Variants in GUCY1A2 observed in about 807,000 individuals in gnomAD.
The protein encoded by GUCY1A2 is guanylate cyclase soluble subunit alpha-2.
Under a neutral mutation model 63.5 loss-of-function variants are expected in GUCY1A2, and 27 were observed. That is an observed-to-expected ratio of 0.43 (90% CI 0.31 to 0.59). The LOEUF (loss-of-function observed/expected upper bound fraction) is 0.59. GUCY1A2 is among the 20% of genes least tolerant of loss of function. The pLI is 0.11. For synonymous variants in GUCY1A2, 364 were observed against 343.5 expected (o/e 1.06, Z -0.66); for missense variants, 768 against 913.3 (o/e 0.84, Z 2.05).
intron 6 of GUCY1A2, among the ~76,000 whole-genome samples, chr11:106,745,462 A>T (rs1863771903): frequency 6.6e-6 from 1 of 152,254 alleles, no homozygotes; most frequent in African/African-American, 2.4e-5. Flanking sequence ...TTTAAACAAT[A>T]AAAACCTATC....
chr11:106,722,498 T>G (rs1863333312), intron 6 of GUCY1A2, among the ~76,000 whole-genome samples: 1 of 152,084 alleles, frequency 6.6e-6, no homozygotes, highest in African/African-American at 2.4e-5. Context: ...TTTTATTTAT[T>G]TTGATAGTGC....
chr11:106,976,895 C>A (rs765699343), intron 3 of GUCY1A2, among the ~76,000 whole-genome samples: 1 of 152,068 alleles, frequency 6.6e-6, no homozygotes, highest in Non-Finnish European at 1.5e-5. Flanking sequence ...CTTCGAAGGG[C>A]AACTAAGCTG....
chr11:106,955,905 C>T (rs985294787), intron 3 of GUCY1A2, among the ~76,000 whole-genome samples: 2 of 152,012 alleles, frequency 1.3e-5, no homozygotes, highest in African/African-American at 4.8e-5. Flanking sequence ...CAGCTTGTTT[C>T]CATTCTCTCC....
chr11:106,986,851 A>T lies in GUCY1A2; in HGVS notation c.304-720T>A, dbSNP rs562985122. Among the ~76,000 whole-genome samples the T allele has an allele frequency of 1.8e-4, 27 of 152,260 alleles. No individual in the cohort carries two copies. The South Asian group carries it at 3.9e-3, about 22-fold the overall frequency. Reference sequence around the variant, plus strand: ...CACAAGTGCTTCAGGCAAAATATGGAGTCTGCAACAAATATCTAAGCAGCT... The same window carrying T: ...CACAAGTGCTTCAGGCAAAATATGGTGTCTGCAACAAATATCTAAGCAGCT... On this transcript the variant is annotated intron_variant, in intron 1 of 7. Transcript: ENST00000526355.
intron 3 of GUCY1A2, among the ~76,000 whole-genome samples, chr11:106,950,549 C>T (rs11211985): frequency 0.041 from 6,192 of 152,212 alleles, 648 homozygotes; most frequent in East Asian, 0.29. Flanking sequence ...TCACTTCTCA[C>T]GCCTTTACTT....
intron 4 of GUCY1A2, among the ~76,000 whole-genome samples, chr11:106,858,593 A>C (rs1193581204): frequency 1.3e-5 from 2 of 152,116 alleles, no homozygotes; most frequent in Non-Finnish European, 2.9e-5. Context: ...ACTCAGAACC[A>C]GAGTTCTAGG....
At chr11:106,885,900 CT>C (rs1454388247) in intron 4 of GUCY1A2, among the ~76,000 whole-genome samples, 7 of 152,248 alleles carry the variant, frequency 4.6e-5, no homozygotes, top group African/African-American at 9.6e-5. Context: ...TACATTCCCC[CT>C]ATTGGAAGAA....
chr11:106,952,271 G>A (rs1402139128), intron 3 of GUCY1A2, among the ~76,000 whole-genome samples: 1 of 152,178 alleles, frequency 6.6e-6, no homozygotes, highest in African/African-American at 2.4e-5. Flanking sequence ...CTAATTCTGT[G>A]AAGAATGTCA....
chr11:106,938,688 T>A (rs958022260), intron 4 of GUCY1A2, among the ~76,000 whole-genome samples: 1 of 152,200 alleles, frequency 6.6e-6, no homozygotes, highest in African/African-American at 2.4e-5. Context: ...TTCTTTACAT[T>A]TTATTATCTA....
chr11:106,830,697 A>C (rs538953328), intron 4 of GUCY1A2, among the ~76,000 whole-genome samples: 1 of 152,282 alleles, frequency 6.6e-6, no homozygotes, highest in East Asian at 1.9e-4. Context: ...AGATGTCCTA[A>C]TGTGGAACCT....
intron 5 of GUCY1A2, among the ~76,000 whole-genome samples, chr11:106,788,595 CTGCATATCCAGTTTTCCCAGCATA>C (rs1352857570): frequency 9.2e-5 from 14 of 152,242 alleles, no homozygotes; most frequent in Admixed American, 3.3e-4. Context: ...TTTCTTTCTT[CTGCATATCCAGTTTTCCCAGCATA>C]TGCATATCCA....
intron 1 of GUCY1A2, among the ~76,000 whole-genome samples, chr11:107,005,227 CA>C (rs529387786): frequency 2.8e-4 from 42 of 152,304 alleles, no homozygotes; most frequent in Non-Finnish European, 5.0e-4. Context: ...GAGGGGCAGA[CA>C]ATAGCTGCTG....
rs368315276 is a variant in GUCY1A2 at position 106,979,454 on chromosome 11, CAAAAAAAAAAAAA to C, written c.366-727_366-715del. On this transcript the variant is annotated intron_variant, in intron 2 of 7. Coordinates refer to ENST00000526355, the MANE Select transcript of GUCY1A2 (RefSeq NM_000855.3). ...TGGGTGACAGAGTGAGACTCCGTCT[CAAAAAAAAAAAAA>C]AAAAAAAAGAAGAAGATAGCAGTAT... 6.7e-5 allele frequency among the ~76,000 whole-genome samples: 4 copies of C among 59,484 alleles called. No individual in the cohort carries two copies. In the Admixed American group the frequency reaches 6.8e-4, roughly 10 times the overall value. 39.0% of individuals were successfully genotyped at this position (59,484 alleles called of 152,430 possible). A position where few individuals can be genotyped will look rare whatever the true frequency, so the allele number is the denominator to read the frequency against.
intron 6 of GUCY1A2, among the ~76,000 whole-genome samples, chr11:106,709,210 T>C (rs1022134612): frequency 5.6e-5 from 6 of 107,488 alleles, no homozygotes; most frequent in Non-Finnish European, 9.2e-5. Context: ...TATACATGTA[T>C]ATTATATATA....
At chr11:106,735,635 TG>T (rs1863576209) in intron 6 of GUCY1A2, among the ~76,000 whole-genome samples, 1 of 152,196 alleles carries the variant, frequency 6.6e-6, no homozygotes, top group Admixed American at 6.5e-5. Flanking sequence ...TTCCTTTCTG[TG>T]GGGTATATAA....
At chr11:106,903,832 G>A (rs528987429) in intron 4 of GUCY1A2, among the ~76,000 whole-genome samples, 5 of 152,254 alleles carry the variant, frequency 3.3e-5, no homozygotes, top group African/African-American at 9.6e-5. Flanking sequence ...CTTCTTGTAA[G>A]AATAGTAGCA....
intron 4 of GUCY1A2, chr11:106,827,956 A>G: frequency 1.0e-6 from 1 of 997,698 alleles, no homozygotes; most frequent in Admixed American, 2.0e-5. Context: ...ACTCCAGGAG[A>G]GGAAGCAGCC....
chr11:106,798,694 G>A (rs1864812773), intron 5 of GUCY1A2, among the ~76,000 whole-genome samples: 6 of 152,018 alleles, frequency 3.9e-5, no homozygotes, highest in Admixed American at 3.9e-4. Flanking sequence ...TGCAGAAAAG[G>A]CCTTTGACAA....
intron 4 of GUCY1A2, among the ~76,000 whole-genome samples, chr11:106,875,834 CTTTT>C (rs112234840): frequency 3.3e-5 from 5 of 151,894 alleles, no homozygotes; most frequent in Admixed American, 3.3e-4. Context: ...TATATCTATG[CTTTT>C]TTTATCTATT....
Sources: allele counts gnomAD v4.1 joint callset (sites outside exome capture counted in the v4.1 genomes callset), GRCh38; gene constraint gnomAD v4.1.1; transcripts MANE v1.5; gene names NCBI Gene and HGNC (gene_info 2026-07-23, HGNC 2026-07-21).